The following RSRC1 variants were observed in gnomAD, a reference collection of about 807,000 sequenced individuals.
The protein encoded by RSRC1 is arginine and serine rich coiled-coil 1.
Under a neutral mutation model 49.1 loss-of-function variants are expected in RSRC1, and 39 were observed. That is an observed-to-expected ratio of 0.79 (90% CI 0.61 to 1.04). The LOEUF is 1.04. Among genes scored for constraint, RSRC1 ranks in the 50% least tolerant of loss-of-function variants. RSRC1 has a pLI of 0.00. For synonymous variants in RSRC1, 143 were observed against 130.8 expected (o/e 1.09, Z -0.63); for missense variants, 388 against 402.4 (o/e 0.96, Z 0.31).
intron 6 of RSRC1, among the ~76,000 whole-genome samples, chr3:158,367,675 G>T (rs1227126039): frequency 6.6e-6 from 1 of 152,100 alleles, no homozygotes; most frequent in Admixed American, 6.6e-5. Context: ...TTGGGGAGGA[G>T]TCCCTCTTTT....
intron 4 of RSRC1, among the ~76,000 whole-genome samples, chr3:158,296,421 A>G (rs1412768172): frequency 6.6e-6 from 1 of 151,524 alleles, no homozygotes; most frequent in Non-Finnish European, 1.5e-5. Flanking sequence ...GGAAGACTTA[A>G]TTTTATTTTG....
intron 3 of RSRC1, among the ~76,000 whole-genome samples, chr3:158,144,895 G>A (rs1156361655): frequency 1.3e-5 from 2 of 152,144 alleles, no homozygotes; most frequent in Admixed American, 6.5e-5. Flanking sequence ...GTGATGATGA[G>A]CATTTTTTCT....
chr3:158,454,113 G>A (rs2108394567), intron 6 of RSRC1, among the ~76,000 whole-genome samples: 1 of 152,144 alleles, frequency 6.6e-6, no homozygotes, highest in East Asian at 1.9e-4. Context: ...CTGAGAAACT[G>A]TGCCTTTCTA....
intron 5 of RSRC1, among the ~76,000 whole-genome samples, chr3:158,328,870 A>G (rs1729362272): frequency 6.6e-6 from 1 of 152,204 alleles, no homozygotes; most frequent in Admixed American, 6.5e-5. Context: ...ACTTTCAGGT[A>G]CACCAATCAG....
At chr3:158,286,705 G>C (rs1726583936) in intron 4 of RSRC1, among the ~76,000 whole-genome samples, 1 of 152,158 alleles carries the variant, frequency 6.6e-6, no homozygotes, top group South Asian at 2.1e-4. Flanking sequence ...GTTTCCTGTT[G>C]AGTTAAATAG....
intron 3 of RSRC1, 54 bp downstream of exon 3, chr3:158,124,045 G>C: frequency 1.6e-6 from 2 of 1,249,468 alleles, no homozygotes; most frequent in Non-Finnish European, 2.2e-6. Context: ...CAAATTCAGC[G>C]ATGTAAAGCA....
chr3:158,300,737 C>A (rs888118396), intron 5 of RSRC1, among the ~76,000 whole-genome samples: 2 of 152,088 alleles, frequency 1.3e-5, no homozygotes, highest in Non-Finnish European at 2.9e-5. Context: ...GTGTAGCTTT[C>A]TTCAGTCTTT....
intron 4 of RSRC1, among the ~76,000 whole-genome samples, chr3:158,213,481 C>T (rs1439672688): frequency 1.4e-5 from 2 of 144,960 alleles, no homozygotes; most frequent in African/African-American, 2.5e-5. Flanking sequence ...GGATAAATCT[C>T]AGAGAATGAA....
intron 3 of RSRC1, among the ~76,000 whole-genome samples, chr3:158,171,292 A>T (rs1412825063): frequency 6.6e-6 from 1 of 152,216 alleles, no homozygotes; most frequent in African/African-American, 2.4e-5. Flanking sequence ...TAGTATACAC[A>T]GTCTTACAAC....
rs1270347564 is a variant in RSRC1, at chr3:158,518,131, T to C, written c.653-18961T>C. 7.6e-4 allele frequency among the ~76,000 whole-genome samples: 67 copies of C among 88,208 alleles called. 3 individuals carry two copies. The highest frequency in any genetic ancestry group is 5.1e-3 in the Middle Eastern group (1 of 198). 57.9% of individuals were successfully genotyped at this position (88,208 alleles called of 152,430 possible). On this transcript the variant is annotated intron_variant, in intron 7 of 9. Transcript: ENST00000611884. Reference sequence around the variant, plus strand: ...GTGTGTGTGTGTGTGTGTGTGTATATATATATATATATATATATTTTTTTT... The same window carrying C: ...GTGTGTGTGTGTGTGTGTGTGTATACATATATATATATATATATTTTTTTT...
At chr3:158,421,655 T>C (rs2108338757) in intron 6 of RSRC1, among the ~76,000 whole-genome samples, 1 of 151,882 alleles carries the variant, frequency 6.6e-6, no homozygotes, top group South Asian at 2.1e-4. Flanking sequence ...TTTGAGATAA[T>C]AGAATATTCT....
At chr3:158,536,800 T>C (rs886278561) in intron 7 of RSRC1, among the ~76,000 whole-genome samples, 2 of 151,504 alleles carry the variant, frequency 1.3e-5, no homozygotes, top group Admixed American at 1.3e-4. Flanking sequence ...CTTATTCCTT[T>C]TATATGTATT....
intron 7 of RSRC1, among the ~76,000 whole-genome samples, chr3:158,511,895 G>T (rs1459724932): frequency 2.0e-5 from 3 of 152,084 alleles, no homozygotes. Context: ...ATTTTTTCAT[G>T]TGTCTTTTGG....
rs35460810 is a variant in RSRC1 at position 158,147,102 on chromosome 3, C to CTTTTTTTTTT, written c.320+23129_320+23138dup. On this transcript the variant is annotated intron_variant, in intron 3 of 9. Coordinates refer to ENST00000611884, the MANE Select transcript of RSRC1 (RefSeq NM_001271838.2). ...CCTTTTCTTTCTTCTGCTTTTCTGC[C>CTTTTTTTTTT]TTTTTTTTTTTTTTTTTTTTTTTTT... is the stretch of plus-strand genomic sequence containing the variant. Among the ~76,000 whole-genome samples, 29 of 34,736 alleles carry CTTTTTTTTTT rather than the reference C, an allele frequency of 8.3e-4. 2 individuals are homozygous for CTTTTTTTTTT. The highest frequency in any genetic ancestry group is 3.5e-3 in the African/African-American group (23 of 6,614). The allele number at this position is 34,736 out of a possible 152,430, so 22.8% of individuals were successfully genotyped here.
At chr3:158,484,861 A>G (rs1230902101) in intron 7 of RSRC1, among the ~76,000 whole-genome samples, 2 of 152,140 alleles carry the variant, frequency 1.3e-5, no homozygotes, top group African/African-American at 4.8e-5. Flanking sequence ...GTAAAATGAA[A>G]TGGTTCTAGT....
intron 6 of RSRC1, among the ~76,000 whole-genome samples, chr3:158,407,725 A>G (rs1423527135): frequency 6.6e-6 from 1 of 152,232 alleles, no homozygotes; most frequent in East Asian, 1.9e-4. Context: ...TAAAAAAAAT[A>G]GCAAACATAA....
At chr3:158,244,753 C>A (rs186296218) in intron 4 of RSRC1, among the ~76,000 whole-genome samples, 64 of 152,144 alleles carry the variant, frequency 4.2e-4, no homozygotes, top group African/African-American at 1.5e-3. Context: ...TCCATCTGAT[C>A]CTGGGCTTTT....
At chr3:158,276,564 A>G (rs897646746) in intron 4 of RSRC1, 5 of 485,286 alleles carry the variant, frequency 1.0e-5, no homozygotes, top group Non-Finnish European at 1.8e-5. Context: ...ATGTTGTGGA[A>G]GACAAAATTT....
intron 3 of RSRC1, among the ~76,000 whole-genome samples, chr3:158,133,137 T>C (rs1716146044): frequency 6.6e-6 from 1 of 152,300 alleles, no homozygotes; most frequent in South Asian, 2.1e-4. Flanking sequence ...GAAAAACTAA[T>C]TTATTGTTTA....
Sources: gnomAD v4.1 joint callset for allele counts (sites outside exome capture counted in the v4.1 genomes callset) on GRCh38, gnomAD v4.1.1 for gene constraint, MANE v1.5 for transcripts, NCBI Gene and HGNC (gene_info 2026-07-23, HGNC 2026-07-21) for gene names.